Variants in LIPH observed in about 807,000 individuals in gnomAD.
LIPH encodes lipase H.
Under a neutral mutation model 47.6 loss-of-function variants are expected in LIPH, and 32 were observed. The observed-to-expected ratio is 0.67, with a 90% CI of 0.51 to 0.90. The LOEUF is 0.90. Ranked by LOEUF, LIPH falls within the 40% of genes least tolerant of loss-of-function variation. The pLI, the probability that LIPH is intolerant of heterozygous loss-of-function variation, is 0.00. For synonymous variants in LIPH, 190 were observed against 195.6 expected, an observed-to-expected ratio of 0.97 and a Z score of 0.24; for missense variants, 497 against 541.4, an observed-to-expected ratio of 0.92 and a Z score of 0.81.
intron 9 of LIPH, among the ~76,000 whole-genome samples, 180 bp downstream of exon 9, chr3:185,511,344 C>T (rs1320665060): frequency 6.6e-6 from 1 of 152,046 alleles, no homozygotes; most frequent in East Asian, 1.9e-4. Context: ...AGATTATAGG[C>T]TTGAGCCACT....
chr3:185,521,677 C>T (rs367676789), intron 5 of LIPH, among the ~76,000 whole-genome samples: 4 of 152,192 alleles, frequency 2.6e-5, no homozygotes, highest in Admixed American at 6.5e-5. Flanking sequence ...TCAGTAGTTC[C>T]AAAATGCTAG....
chr3:185,541,334 C>T (rs1462769615), intron 1 of LIPH, among the ~76,000 whole-genome samples: 3 of 151,960 alleles, frequency 2.0e-5, no homozygotes, highest in Admixed American at 2.0e-4. Context: ...CCCCTGGAAG[C>T]ATGCAGTCTC....
chr3:185,540,773 A>G (rs559248393), intron 1 of LIPH, among the ~76,000 whole-genome samples: 1 of 152,180 alleles, frequency 6.6e-6, no homozygotes, highest in East Asian at 1.9e-4. Flanking sequence ...CATGGAATGT[A>G]GATGTGTGAC....
chr3:185,513,304 T>G (rs114465722), intron 8 of LIPH, among the ~76,000 whole-genome samples: 1,500 of 146,984 alleles, frequency 0.01, 30 homozygotes, highest in African/African-American at 0.036. Context: ...CAGGCCACTA[T>G]ACTCCAGCCT....
intron 3 of LIPH, among the ~76,000 whole-genome samples, chr3:185,532,659 G>A (rs991944680): frequency 2.6e-5 from 4 of 152,166 alleles, no homozygotes; most frequent in Non-Finnish European, 2.9e-5. Context: ...GAGTGGTGGC[G>A]CATGCCTGTA....
chr3:185,513,766 C>T (rs547608166), intron 8 of LIPH, among the ~76,000 whole-genome samples: 1 of 152,120 alleles, frequency 6.6e-6, no homozygotes, highest in Non-Finnish European at 1.5e-5. Flanking sequence ...ATCAGCCAGG[C>T]GCGGTGGCTC....
rs1411746430 is a variant in LIPH, at chr3:185,552,281, C to T, written c.49+142G>A. On this transcript the variant is annotated intron_variant, in intron 1 of 9. Coordinates refer to ENST00000296252, the MANE Select transcript of LIPH (RefSeq NM_139248.3). ...TTAAGGAAATGTTAAGGAAATGATA[C>T]AGGCTTCCTATATCTTTTTCCTTAA... The T allele has an allele frequency of 8.9e-6, 4 of 449,684 alleles. No homozygotes were observed. The East Asian group carries it at 1.1e-4, about 13-fold the overall frequency. 27.9% of individuals were successfully genotyped at this position (449,684 alleles called of 1,614,324 possible).
Position 185,535,476 on chromosome 3 carries a change from C to T in LIPH, c.50-344G>A, listed in dbSNP as rs1418583813. ...ATTTTTTGATAGAGATGGGTTTTCA[C>T]CATGTTGGCCAGGCTGATCTCAAAC... is the stretch of plus-strand genomic sequence containing the variant. On this transcript the variant is annotated intron_variant, in intron 1 of 9. Coordinates refer to ENST00000296252, the MANE Select transcript of LIPH (RefSeq NM_139248.3). Among the ~76,000 whole-genome samples, 10 of 152,168 alleles carry T rather than the reference C, an allele frequency of 6.6e-5. No homozygotes were observed. In the East Asian group the frequency reaches 1.9e-3, roughly 29 times the overall value.
At chr3:185,547,161 C>A (rs1319250890) in intron 1 of LIPH, among the ~76,000 whole-genome samples, 1 of 151,738 alleles carries the variant, frequency 6.6e-6, no homozygotes, top group East Asian at 1.9e-4. Context: ...AAGAAGGTAT[C>A]TCAGACCCAT....
chr3:185,520,112 C>T (rs1173686786), intron 5 of LIPH, among the ~76,000 whole-genome samples: 2 of 152,164 alleles, frequency 1.3e-5, no homozygotes, highest in Non-Finnish European at 2.9e-5. Flanking sequence ...CTACTTCAGA[C>T]TACAAAGTTG....
chr3:185,522,650 A>AAGAAAGAAAAAGAAAG (rs1235808164), intron 5 of LIPH, among the ~76,000 whole-genome samples: 78 of 141,894 alleles, frequency 5.5e-4, no homozygotes, highest in Admixed American at 3.6e-3. Flanking sequence ...GAGAGAAAGA[A>AAGAAAGAAAAAGAAAG]AAAGAAAGAA....
chr3:185,532,462 G>A (rs567234320), intron 3 of LIPH, among the ~76,000 whole-genome samples: 1 of 150,326 alleles, frequency 6.7e-6, no homozygotes, highest in South Asian at 2.1e-4. Context: ...GCAGTGAGCT[G>A]CATGCCAGCC....
chr3:185,543,550 A>T (rs1038806151), intron 1 of LIPH, among the ~76,000 whole-genome samples: 1 of 152,224 alleles, frequency 6.6e-6, no homozygotes, highest in African/African-American at 2.4e-5. Context: ...GTTTGAGGCC[A>T]CTTAATGGGA....
intron 8 of LIPH, 95 bp downstream of exon 8, chr3:185,514,315 T>C (rs1719658893): frequency 5.3e-6 from 4 of 747,858 alleles, no homozygotes; most frequent in Admixed American, 3.6e-5. Flanking sequence ...AGGAAAAGCA[T>C]AGATCTATAA....
At chr3:185,514,680 C>G (rs954474517) in intron 7 of LIPH, among the ~76,000 whole-genome samples, 159 bp from the exon 8 acceptor site, 1 of 152,176 alleles carries the variant, frequency 6.6e-6, no homozygotes, top group Non-Finnish European at 1.5e-5. Context: ...TCTAATATTC[C>G]CTTCTCTTCT....
Position 185,518,714 on chromosome 3 carries a change from T to G in LIPH, c.886+428A>C, listed in dbSNP as rs1719808808. 3.3e-5 allele frequency among the ~76,000 whole-genome samples: 5 copies of G among 152,028 alleles called. No homozygotes were observed. The South Asian group carries it at 1.0e-3, about 32-fold the overall frequency. ...CTTTTTAAGAAATTTTTTTTTAAAT[T>G]TTAACCTTTTATTTATTTATTTTTG... On this transcript the variant is annotated intron_variant, in intron 6 of 9. Transcript: ENST00000296252.
chr3:185,508,450 G>C lies in LIPH; in HGVS notation c.*340C>G. Reference sequence around the variant, plus strand: ...GCCTCCAGTCCGTCCTTCCCTTGAAGATGCTTGACCCGCAGCCGCGATGGG... The same window carrying C: ...GCCTCCAGTCCGTCCTTCCCTTGAACATGCTTGACCCGCAGCCGCGATGGG... On this transcript the variant is annotated 3_prime_UTR_variant, in exon 10 of 10. Transcript: ENST00000296252. The C allele has an allele frequency of 3.1e-6, 1 of 323,910 alleles. No homozygotes were observed. Among genetic ancestry groups the C allele is most frequent in the Non-Finnish European group, 5.9e-6 (1 of 168,166 alleles). The allele number at this position is 323,910 out of a possible 1,614,324, so 20.1% of individuals were successfully genotyped here. A position where few individuals can be genotyped will look rare whatever the true frequency, so the allele number is the denominator to read the frequency against.
rs575715817 is a variant in LIPH, at chr3:185,528,091, G to T, written c.527-506C>A. On this transcript the variant is annotated intron_variant, in intron 3 of 9. Transcript: ENST00000296252. ...ACAAAAAAATTAGCTGGACGTGGTG[G>T]TGTGTGCCTGTAGTCCTAGCTACTC... Among the ~76,000 whole-genome samples, 6 of 151,900 alleles carry T rather than the reference G, an allele frequency of 3.9e-5. No homozygotes were observed. In the South Asian group the frequency reaches 1.3e-3, roughly 32 times the overall value.
At chr3:185,519,037 T>C in intron 6 of LIPH, 105 bp downstream of exon 6, 1 of 1,013,186 alleles carries the variant, frequency 9.9e-7, no homozygotes, top group East Asian at 2.4e-5. Context: ...AAACAAGTTT[T>C]TAATACAATT....
Sources: gnomAD v4.1 joint callset for allele counts (sites outside exome capture counted in the v4.1 genomes callset) on GRCh38, gnomAD v4.1.1 for gene constraint, MANE v1.5 for transcripts, NCBI Gene and HGNC (gene_info 2026-07-23, HGNC 2026-07-21) for gene names.